MAP3K20: variants seen among roughly 807,000 people sequenced by gnomAD.
MAP3K20 encodes mitogen-activated protein kinase kinase kinase 20, also known as HCCS-4.
In MAP3K20, 40 loss-of-function variants were observed where a neutral mutation model predicts 85.7. The ratio of observed to expected loss-of-function variants is 0.47; its 90% CI spans 0.36 to 0.61. The LOEUF is 0.61. Ranked by LOEUF, MAP3K20 falls within the 20% of genes least tolerant of loss-of-function variation. The probability of loss-of-function intolerance (pLI) is 0.00; values close to 1 mark genes in which losing one functional copy is unlikely to be tolerated. For missense variants in MAP3K20, 817 were observed against 961.7 expected (o/e 0.85, Z 1.99); for synonymous variants, 325 against 327.7 (o/e 0.99, Z 0.09).
intron 16 of MAP3K20, among the ~76,000 whole-genome samples, chr2:173,257,641 T>C (rs113167241): frequency 1.7e-3 from 252 of 152,348 alleles, no homozygotes; most frequent in Admixed American, 3.1e-3. Context: ...TAGACAAGTC[T>C]TTTTTCTTTT....
At chr2:173,231,619 T>C (rs1455150966) in intron 12 of MAP3K20, among the ~76,000 whole-genome samples, 1 of 152,150 alleles carries the variant, frequency 6.6e-6, no homozygotes, top group Non-Finnish European at 1.5e-5. Flanking sequence ...GAGTCTGGCC[T>C]CCCATCCTTC....
chr2:173,140,355 A>T (rs1688934709), intron 2 of MAP3K20, among the ~76,000 whole-genome samples: 2 of 140,930 alleles, frequency 1.4e-5, no homozygotes, highest in African/African-American at 5.3e-5. Flanking sequence ...AACTTTCCAG[A>T]TTTTTTTTTT....
chr2:173,260,459 A>C (rs1280220749), intron 17 of MAP3K20, among the ~76,000 whole-genome samples: 1 of 147,356 alleles, frequency 6.8e-6, no homozygotes, highest in Non-Finnish European at 1.5e-5. Flanking sequence ...ACCTGAAGTG[A>C]AAGGGGGATG....
At position 173,203,824 on chromosome 2, in the gene MAP3K20, G is replaced by T; in HGVS notation, c.698G>T (p.Arg233Ile). The T allele has an allele frequency of 6.2e-7, 1 of 1,613,766 alleles. No individual in the cohort carries two copies. The highest frequency in any genetic ancestry group is 2.2e-5 in the East Asian group (1 of 44,856). The change falls in exon 9 of 20, where the codon AGA (arginine) becomes ATA (isoleucine). Residue 233 changes from arginine (R) to isoleucine (I), a missense_variant. Around this residue, in one of 4 missense-constraint regions of MAP3K20, gnomAD observed 200 missense variants for 302.7 expected, o/e 0.66. Transcript: ENST00000375213. ...ERLTIPSSCP[R>I]SFAELLHQCW... ...TTAACCATTCCAAGCAGTTGCCCCA[G>T]AAGTTTTGCTGAACTGTTACATCAG...
At chr2:173,126,660 G>A (rs1211906590) in intron 2 of MAP3K20, among the ~76,000 whole-genome samples, 1 of 152,184 alleles carries the variant, frequency 6.6e-6, no homozygotes, top group African/African-American at 2.4e-5. Flanking sequence ...GATTACAGGC[G>A]TGAGCCACCG....
At chr2:173,121,765 AC>A (rs1299571127) in intron 2 of MAP3K20, among the ~76,000 whole-genome samples, 3 of 150,930 alleles carry the variant, frequency 2.0e-5, no homozygotes, top group African/African-American at 7.3e-5. Flanking sequence ...CGCCACCATC[AC>A]CTCCTGGGAA....
intron 2 of MAP3K20, among the ~76,000 whole-genome samples, chr2:173,121,155 C>G (rs1295724446): frequency 2.0e-5 from 3 of 152,232 alleles, no homozygotes; most frequent in Non-Finnish European, 4.4e-5. Flanking sequence ...GATGCCATAA[C>G]TGAATTTTCC....
chr2:173,258,738 G>GA lies in MAP3K20; in HGVS notation c.1402dup (p.Ile468AsnfsTer14). ...AATGTATATGGAGATGGATGGGGAT[G>GA]AAATTGCAATAACCTACATAAAAGA... On this transcript the variant is annotated frameshift_variant, in exon 17 of 20. Transcript: ENST00000375213. LOFTEE classifies it high-confidence loss of function. The GA allele has an allele frequency of 6.2e-7, 1 of 1,612,216 alleles. No homozygotes were observed. The highest frequency in any genetic ancestry group is 1.3e-5 in the African/African-American group (1 of 75,016).
chr2:173,101,405 T>C (rs1303787410), intron 2 of MAP3K20, among the ~76,000 whole-genome samples: 3 of 152,228 alleles, frequency 2.0e-5, no homozygotes, highest in Non-Finnish European at 2.9e-5. Context: ...GCAACTGTTA[T>C]TTCACCTTTT....
chr2:173,123,912 G>A (rs1384956788), intron 2 of MAP3K20, among the ~76,000 whole-genome samples: 2 of 151,950 alleles, frequency 1.3e-5, no homozygotes, highest in Non-Finnish European at 2.9e-5. Flanking sequence ...ATTTTCTTTT[G>A]GTAGATGCTT....
At chr2:173,264,514 ACCC>A (rs1259397412) in intron 19 of MAP3K20, among the ~76,000 whole-genome samples, 1 of 151,832 alleles carries the variant, frequency 6.6e-6, no homozygotes, top group Admixed American at 6.6e-5. Flanking sequence ...TTTTCTAGAA[ACCC>A]CCAACAGACT....
intron 3 of MAP3K20, among the ~76,000 whole-genome samples, chr2:173,174,691 G>A (rs537688237): frequency 3.3e-5 from 5 of 152,282 alleles, no homozygotes; most frequent in African/African-American, 1.2e-4. Context: ...CTTTATAGTA[G>A]AATGATTTAT....
At chr2:173,242,015 CA>C (rs1307231061) in intron 16 of MAP3K20, among the ~76,000 whole-genome samples, 1 of 152,180 alleles carries the variant, frequency 6.6e-6, no homozygotes, top group Non-Finnish European at 1.5e-5. Context: ...TGATGGTAAA[CA>C]AATTGCACAT....
intron 1 of MAP3K20, among the ~76,000 whole-genome samples, chr2:173,087,461 A>C (rs12987496): frequency 0.28 from 42,751 of 152,142 alleles, 7,430 homozygotes; most frequent in Non-Finnish European, 0.39. Flanking sequence ...TATAAGTGGT[A>C]AATGAATAAC....
intron 17 of MAP3K20, among the ~76,000 whole-genome samples, chr2:173,260,463 G>A (rs975888407): frequency 4.6e-5 from 7 of 152,174 alleles, no homozygotes; most frequent in African/African-American, 1.7e-4. Context: ...GAAGTGAAAG[G>A]GGGATGGCAG....
intron 11 of MAP3K20, among the ~76,000 whole-genome samples, chr2:173,229,235 G>A (rs1263666161): frequency 6.6e-6 from 1 of 152,176 alleles, no homozygotes; most frequent in Non-Finnish European, 1.5e-5. Context: ...AAAATATTGT[G>A]CAAATGAGAT....
At chr2:173,117,090 A>G (rs1406330914) in intron 2 of MAP3K20, among the ~76,000 whole-genome samples, 3 of 152,196 alleles carry the variant, frequency 2.0e-5, no homozygotes, top group African/African-American at 4.8e-5. Flanking sequence ...TTATCATTTT[A>G]TGTCATGTAG....
At chr2:173,134,302 A>G (rs1688709716) in intron 2 of MAP3K20, among the ~76,000 whole-genome samples, 1 of 139,408 alleles carries the variant, frequency 7.2e-6, no homozygotes, top group Non-Finnish European at 1.5e-5. Flanking sequence ...AGGTTCAAGC[A>G]GTTCTCCAGC....
At chr2:173,144,116 T>C (rs1689054474) in intron 2 of MAP3K20, among the ~76,000 whole-genome samples, 1 of 151,030 alleles carries the variant, frequency 6.6e-6, no homozygotes, top group African/African-American at 2.4e-5. Context: ...TGCAACATGG[T>C]GAAACCCTGT....
Sources: gnomAD v4.1 joint callset for allele counts (sites outside exome capture counted in the v4.1 genomes callset) on GRCh38, gnomAD v4.1.1 for gene constraint, gnomAD v4.1.1 regional missense constraint, MANE v1.5 for transcripts, NCBI Gene and HGNC (gene_info 2026-07-23, HGNC 2026-07-21) for gene names.